The following COLEC10 variants were observed in gnomAD, a reference collection of about 807,000 sequenced individuals.
COLEC10 encodes the protein collectin-10.
In COLEC10, 22 loss-of-function variants were observed where a neutral mutation model predicts 28.4. That is an observed-to-expected ratio of 0.78 (90% CI 0.55 to 1.11). The LOEUF (loss-of-function observed/expected upper bound fraction) is 1.11, where lower values mean the gene tolerates loss of function less well. COLEC10 is among the 50% of genes least tolerant of loss of function. The pLI is 0.00. For missense variants in COLEC10, 361 were observed against 344.1 expected, an observed-to-expected ratio of 1.05 and a Z score of -0.39; for synonymous variants, 125 against 116.1, an observed-to-expected ratio of 1.08 and a Z score of -0.49.
chr8:118,990,639 C>A (rs770379825), upstream of COLEC10, among the ~76,000 whole-genome samples: 10 of 151,910 alleles, frequency 6.6e-5, no homozygotes, highest in Non-Finnish European at 1.3e-4. Context: ...ATTTAAACAC[C>A]ATCTTCATTT....
chr8:118,990,897 A>C (rs1188474054), upstream of COLEC10, among the ~76,000 whole-genome samples: 1 of 151,992 alleles, frequency 6.6e-6, no homozygotes, highest in Admixed American at 6.6e-5. Context: ...AACATGAAGG[A>C]GCAGGAATAT....
chr8:119,016,574 C>T (rs186132908), intron 2 of COLEC10, among the ~76,000 whole-genome samples: 105 of 152,064 alleles, frequency 6.9e-4, no homozygotes, highest in East Asian at 2.5e-3. Context: ...ATGGTGTTTT[C>T]GGTACTAGAT....
the COLEC10 span, among the ~76,000 whole-genome samples, chr8:118,989,970 G>A: frequency 2.6e-5 from 4 of 152,028 alleles, no homozygotes; most frequent in Admixed American, 2.6e-4. Context: ...GGATTTTGGA[G>A]CATTTCAAAT....
At chr8:119,010,084 A>C (rs1813878003) in intron 2 of COLEC10, among the ~76,000 whole-genome samples, 1 of 150,854 alleles carries the variant, frequency 6.6e-6, no homozygotes, top group Non-Finnish European at 1.5e-5. Flanking sequence ...TGGGTTCAGA[A>C]TAATGTATGA....
chr8:118,970,951 C>T, the COLEC10 span, among the ~76,000 whole-genome samples: 2 of 151,914 alleles, frequency 1.3e-5, no homozygotes, highest in Non-Finnish European at 2.9e-5. Context: ...TTGCAAGGAG[C>T]CTGACTTTGT....
chr8:119,101,190 C>T (rs1360926908), intron 3 of COLEC10, among the ~76,000 whole-genome samples: 1 of 152,162 alleles, frequency 6.6e-6, no homozygotes, highest in Non-Finnish European at 1.5e-5. Context: ...GGCCGTATAA[C>T]TAATTCTCTG....
the COLEC10 span, among the ~76,000 whole-genome samples, chr8:118,969,944 C>G: frequency 6.6e-6 from 1 of 151,850 alleles, no homozygotes; most frequent in Admixed American, 6.6e-5. Context: ...CCCAACAAAC[C>G]AAGTCCACAC....
intron 1 of COLEC10, among the ~76,000 whole-genome samples, chr8:119,088,999 C>T (rs1054828765): frequency 6.6e-6 from 1 of 152,148 alleles, no homozygotes; most frequent in Non-Finnish European, 1.5e-5. Context: ...GCTGAGACTT[C>T]AGTCAAATCT....
chr8:118,973,622 A>C, the COLEC10 span, among the ~76,000 whole-genome samples: 1 of 152,024 alleles, frequency 6.6e-6, no homozygotes, highest in African/African-American at 2.4e-5. Context: ...GCGACATCCC[A>C]TTACATTTAC....
chr8:118,959,163 G>A, the COLEC10 span, among the ~76,000 whole-genome samples: 1 of 152,178 alleles, frequency 6.6e-6, no homozygotes, highest in African/African-American at 2.4e-5. Context: ...CAACAGGCAA[G>A]CACAGTGGGA....
At chr8:119,061,494 T>C (rs1045121617) in intron 2 of COLEC10, among the ~76,000 whole-genome samples, 16 of 150,820 alleles carry the variant, frequency 1.1e-4, no homozygotes, top group African/African-American at 2.9e-4. Flanking sequence ...ACATATTCTA[T>C]AGAAAGTGTA....
At chr8:119,075,892 C>CTTTTTTTTT (rs35870985) in intron 1 of COLEC10, among the ~76,000 whole-genome samples, 4 of 82,418 alleles carry the variant, frequency 4.9e-5, no homozygotes, top group African/African-American at 4.8e-5. Flanking sequence ...TCAGCCATAT[C>CTTTTTTTTT]TTTTTTTTTT....
chr8:119,023,693 G>A (rs1461176021), intron 2 of COLEC10, among the ~76,000 whole-genome samples: 1 of 152,088 alleles, frequency 6.6e-6, no homozygotes, highest in Non-Finnish European at 1.5e-5. Flanking sequence ...TTCTGTTATA[G>A]TTTTTAATCT....
intron 2 of COLEC10, among the ~76,000 whole-genome samples, chr8:119,043,352 A>G (rs1814530992): frequency 6.6e-6 from 1 of 152,218 alleles, no homozygotes; most frequent in African/African-American, 2.4e-5. Context: ...AGGAAGCCAG[A>G]GAATTTGCCT....
chr8:119,090,757 T>C lies in COLEC10; in HGVS notation c.221-392T>C, dbSNP rs186975882. On this transcript the variant is annotated intron_variant, in intron 2 of 5. Transcript: ENST00000332843. ...TTTAAGTGGCACAATTGTTAAATCT[T>C]GTTTTAAAAGAGAGAAGAAATAGAA... Among the ~76,000 whole-genome samples the C allele has an allele frequency of 3.4e-3, 517 of 152,288 alleles. 2 individuals carry two copies. The highest frequency in any genetic ancestry group is 0.011 in the African/African-American group (463 of 41,564).
the COLEC10 span, among the ~76,000 whole-genome samples, chr8:118,968,268 C>G: frequency 6.6e-6 from 1 of 151,586 alleles, no homozygotes; most frequent in Non-Finnish European, 1.5e-5. Context: ...TTTCTTTAGA[C>G]AGTGTTTTCT....
At chr8:119,075,986 C>T (rs1295094596) in intron 1 of COLEC10, among the ~76,000 whole-genome samples, 4 of 147,506 alleles carry the variant, frequency 2.7e-5, no homozygotes, top group South Asian at 2.2e-4. Flanking sequence ...CTGCAAGCTC[C>T]GCCTCCTGGG....
intron 2 of COLEC10, among the ~76,000 whole-genome samples, chr8:119,060,858 G>A (rs1814843533): frequency 1.3e-5 from 2 of 152,068 alleles, no homozygotes; most frequent in African/African-American, 4.8e-5. Flanking sequence ...GAATGGATCA[G>A]TGTAGGATAT....
rs938276820 is a variant in COLEC10, at chr8:119,105,953, T to C, written c.596T>C (p.Val199Ala). The change falls in exon 6 of 6, where the codon GTT (valine) becomes GCT (alanine). Residue 199 changes from valine (V) to alanine (A), a missense_variant. Val to Ala is a moderately conservative substitution (Grantham distance 64, BLOSUM62 0). Transcript: ENST00000332843. The stretch of plus-strand genomic sequence containing the variant: ...GCCAACACACTCATCGCTGACTATG[T>C]TGCCAAGAGTGGCTTCTTTCGGGTG... ...EAANTLIADY[V>A]AKSGFFRVFI... 1.2e-6 allele frequency: 2 copies of C among 1,613,806 alleles called. No individual in the cohort carries two copies. Among genetic ancestry groups the C allele is most frequent in the Admixed American group, 1.7e-5 (1 of 59,914 alleles).
Sources: allele counts gnomAD v4.1 joint callset (sites outside exome capture counted in the v4.1 genomes callset), GRCh38; gene constraint gnomAD v4.1.1; transcripts MANE v1.5; gene names NCBI Gene and HGNC (gene_info 2026-07-23, HGNC 2026-07-21).